The following GPAT3 variants were observed in gnomAD, a reference collection of about 807,000 sequenced individuals.
GPAT3 encodes glycerol-3-phosphate acyltransferase 3.
Under a neutral mutation model 58.8 loss-of-function variants are expected in GPAT3, and 53 were observed. The ratio of observed to expected loss-of-function variants is 0.90; its 90% CI spans 0.72 to 1.13. GPAT3 has a LOEUF of 1.13. GPAT3 is among the 50% of genes most tolerant of loss of function. GPAT3 has a pLI of 0.00. For missense variants in GPAT3, 511 were observed against 527.6 expected, an observed-to-expected ratio of 0.97 and a Z score of 0.31; for synonymous variants, 197 against 187.4, an observed-to-expected ratio of 1.05 and a Z score of -0.42.
At chr4:83,558,875 T>C (rs543219375) in intron 2 of GPAT3, among the ~76,000 whole-genome samples, 2 of 152,298 alleles carry the variant, frequency 1.3e-5, no homozygotes, top group South Asian at 4.1e-4. Flanking sequence ...CTGTGAAGGC[T>C]GATTACTGAA....
At chr4:83,542,993 C>G (rs114630796) in intron 1 of GPAT3, among the ~76,000 whole-genome samples, 1,636 of 151,838 alleles carry the variant, frequency 0.011, 32 homozygotes, top group African/African-American at 0.038. Flanking sequence ...AGCGAAAACT[C>G]CTTCTCAAAA....
At chr4:83,559,333 TG>T (rs1399728184) in intron 2 of GPAT3, among the ~76,000 whole-genome samples, 3 of 152,090 alleles carry the variant, frequency 2.0e-5, no homozygotes, top group Non-Finnish European at 4.4e-5. Flanking sequence ...ATTTTTTTTT[TG>T]TTTTTTGGAG....
intron 10 of GPAT3, 170 bp from the exon 11 acceptor site, chr4:83,598,474 C>A: frequency 1.3e-6 from 1 of 757,864 alleles, no homozygotes; most frequent in Non-Finnish European, 2.2e-6. Flanking sequence ...CAATACAACA[C>A]TGCATTTTCT....
intron 2 of GPAT3, among the ~76,000 whole-genome samples, chr4:83,551,623 C>A (rs1481201856): frequency 6.6e-6 from 1 of 151,770 alleles, no homozygotes; most frequent in Non-Finnish European, 1.5e-5. Context: ...GAAACCCGGT[C>A]TCTACTAAAA....
chr4:83,562,795 TATAGATAG>T (rs59104462), intron 2 of GPAT3, among the ~76,000 whole-genome samples: 8 of 150,624 alleles, frequency 5.3e-5, no homozygotes, highest in East Asian at 2.0e-4. Flanking sequence ...TAGAAAGAGA[TATAGATAG>T]ATAGATAGAT....
intron 1 of GPAT3, among the ~76,000 whole-genome samples, chr4:83,538,529 T>C (rs938739188): frequency 1.3e-5 from 2 of 152,224 alleles, no homozygotes; most frequent in African/African-American, 4.8e-5. Flanking sequence ...CATACAGCAA[T>C]GTCTTTTGGA....
intron 2 of GPAT3, among the ~76,000 whole-genome samples, chr4:83,566,449 T>TTATTATTATTATTA (rs1725390897): frequency 1.0e-5 from 1 of 99,360 alleles, no homozygotes; most frequent in African/African-American, 4.1e-5. Context: ...TATTATTATT[T>TTATTATTATTATTA]TTAATAGAGA....
intron 5 of GPAT3, 70 bp from the exon 6 acceptor site, chr4:83,590,129 A>G: frequency 7.1e-7 from 1 of 1,408,132 alleles, no homozygotes; most frequent in East Asian, 2.3e-5. Context: ...CACTTAAAAA[A>G]GTAAGATGAG....
chr4:83,544,133 G>A (rs573743432), intron 1 of GPAT3, among the ~76,000 whole-genome samples: 44 of 152,270 alleles, frequency 2.9e-4, no homozygotes, highest in African/African-American at 1.0e-3. Flanking sequence ...GCAACCCTAT[G>A]GGATAGGATC....
chr4:83,560,418 A>AT (rs11335835), intron 2 of GPAT3, among the ~76,000 whole-genome samples: 61 of 149,796 alleles, frequency 4.1e-4, no homozygotes, highest in South Asian at 1.5e-3. Flanking sequence ...TTTTGTTTGA[A>AT]TTTTTTTTTT....
At chr4:83,564,122 G>A (rs1725290996) in intron 2 of GPAT3, among the ~76,000 whole-genome samples, 1 of 152,320 alleles carries the variant, frequency 6.6e-6, no homozygotes, top group Admixed American at 6.5e-5. Flanking sequence ...ATGGAGGCTA[G>A]TGGGGCTATG....
At chr4:83,562,487 G>T (rs1364165321) in intron 2 of GPAT3, among the ~76,000 whole-genome samples, 1 of 151,630 alleles carries the variant, frequency 6.6e-6, no homozygotes, top group East Asian at 1.9e-4. Context: ...TAGTAGACAG[G>T]AGGCCATTCT....
chr4:83,584,399 A>G (rs932051923), intron 3 of GPAT3, among the ~76,000 whole-genome samples: 2 of 152,230 alleles, frequency 1.3e-5, no homozygotes, highest in African/African-American at 4.8e-5. Context: ...ATGCTTTTTA[A>G]AAGAAGCACC....
rs1560620674 is a variant in GPAT3 at position 83,578,971 on chromosome 4, T to TCTTG, written c.209-2588_209-2587insGCTT. Among the ~76,000 whole-genome samples, 1,052 of 127,006 alleles carry TCTTG rather than the reference T, an allele frequency of 8.3e-3. 56 individuals carry two copies. The highest frequency in any genetic ancestry group is 0.035 in the African/African-American group (1,000 of 28,976). 83.3% of individuals were successfully genotyped at this position (127,006 alleles called of 152,430 possible). ...TCTTTTCTTTCTTTCTTTCTTTCTT[T>TCTTG]CTTTCTTTCTTTCTTTCCTTCCTTC... On this transcript the variant is annotated intron_variant, in intron 2 of 11. Coordinates refer to ENST00000264409, the MANE Select transcript of GPAT3 (RefSeq NM_032717.5).
intron 3 of GPAT3, among the ~76,000 whole-genome samples, chr4:83,585,921 T>C (rs1004012747): frequency 1.3e-5 from 2 of 152,188 alleles, no homozygotes; most frequent in African/African-American, 4.8e-5. Flanking sequence ...CTATGTTAAA[T>C]CATAATCTCC....
At chr4:83,597,015 C>A in intron 8 of GPAT3, 102 bp downstream of exon 8, 1 of 1,027,314 alleles carries the variant, frequency 9.7e-7, no homozygotes, top group Non-Finnish European at 1.5e-6. Flanking sequence ...TAGCCCAGAT[C>A]TCTGCCCTTA....
chr4:83,547,313 C>T (rs1027000626), intron 2 of GPAT3, among the ~76,000 whole-genome samples: 70 of 129,120 alleles, frequency 5.4e-4, no homozygotes, highest in African/African-American at 6.2e-4. Context: ...AGTGCAGTGG[C>T]GGGATCTCGG....
chr4:83,556,837 C>T (rs757970976), intron 2 of GPAT3, among the ~76,000 whole-genome samples: 4 of 151,846 alleles, frequency 2.6e-5, no homozygotes, highest in South Asian at 2.1e-4. Context: ...TCTTAGTCCA[C>T]TCAGGCTGCT....
intron 3 of GPAT3, among the ~76,000 whole-genome samples, chr4:83,583,667 G>GAAAAA (rs749976752): frequency 2.6e-4 from 6 of 23,474 alleles, no homozygotes; most frequent in Admixed American, 6.4e-4. Flanking sequence ...ACTCTTGTCT[G>GAAAAA]AAAAAAAAAA....
Sources: gnomAD v4.1 joint callset for allele counts (sites outside exome capture counted in the v4.1 genomes callset) on GRCh38, gnomAD v4.1.1 for gene constraint, MANE v1.5 for transcripts, NCBI Gene and HGNC (gene_info 2026-07-23, HGNC 2026-07-21) for gene names.